SLC24A2: variants seen among roughly 807,000 people sequenced by gnomAD.
SLC24A2 encodes sodium/potassium/calcium exchanger 2.
In SLC24A2, 36 loss-of-function variants were observed where a neutral mutation model predicts 62.0. The observed-to-expected ratio is 0.58, with a 90% CI of 0.44 to 0.77. The LOEUF is 0.77. Ranked by LOEUF, SLC24A2 falls within the 30% of genes least tolerant of loss-of-function variation. The pLI, the probability that SLC24A2 is intolerant of heterozygous loss-of-function variation, is 0.00. For missense variants in SLC24A2, 846 were observed against 817.9 expected, an observed-to-expected ratio of 1.03 and a Z score of -0.42; for synonymous variants, 358 against 294.0, an observed-to-expected ratio of 1.22 and a Z score of -2.23.
At chr9:20,022,473 G>A in the SLC24A2 span, among the ~76,000 whole-genome samples, 2 of 152,156 alleles carry the variant, frequency 1.3e-5, no homozygotes, top group African/African-American at 4.8e-5. Context: ...GTAGAGGCAG[G>A]ATTTAAGCCA....
chr9:19,565,414 T>A (rs7851154), intron 7 of SLC24A2, among the ~76,000 whole-genome samples: 8,122 of 150,448 alleles, frequency 0.054, 725 homozygotes, highest in African/African-American at 0.19. Flanking sequence ...ACAAGGGATG[T>A]GAAGGACCTC....
chr9:20,014,418 T>TCTCC, the SLC24A2 span, among the ~76,000 whole-genome samples: 1 of 151,584 alleles, frequency 6.6e-6, no homozygotes, highest in Non-Finnish European at 1.5e-5. Context: ...TGAAGGGATG[T>TCTCC]CTGCACTCCC....
the SLC24A2 span, among the ~76,000 whole-genome samples, chr9:20,233,455 T>G: frequency 0.046 from 7,044 of 152,148 alleles, 540 homozygotes; most frequent in African/African-American, 0.16. Flanking sequence ...TCTTCTTGTT[T>G]AATTGATCCC....
chr9:19,683,857 G>C (rs1819795345), intron 2 of SLC24A2, among the ~76,000 whole-genome samples: 1 of 152,020 alleles, frequency 6.6e-6, no homozygotes, highest in East Asian at 1.9e-4. Flanking sequence ...ACCGGTCCTG[G>C]GCCCAGGGGC....
chr9:19,864,871 C>A, the SLC24A2 span, among the ~76,000 whole-genome samples: 2 of 151,868 alleles, frequency 1.3e-5, no homozygotes, highest in Non-Finnish European at 1.5e-5. Flanking sequence ...TAAAGGATAT[C>A]CAAATTGGAA....
the SLC24A2 span, among the ~76,000 whole-genome samples, chr9:19,975,754 T>C: frequency 1.3e-5 from 2 of 152,146 alleles, no homozygotes; most frequent in Non-Finnish European, 2.9e-5. Context: ...TTCCATGTTC[T>C]GCTTTTGTTT....
intron 2 of SLC24A2, among the ~76,000 whole-genome samples, chr9:19,737,753 A>G (rs1253819292): frequency 6.6e-6 from 1 of 152,066 alleles, no homozygotes; most frequent in Non-Finnish European, 1.5e-5. Context: ...CTGAGTTTCA[A>G]AATTTTAAAT....
intron 2 of SLC24A2, among the ~76,000 whole-genome samples, chr9:19,719,215 A>G (rs547167291): frequency 6.6e-6 from 1 of 152,290 alleles, no homozygotes; most frequent in East Asian, 1.9e-4. Flanking sequence ...GGTTACTAGC[A>G]TTGAGCTTTG....
At chr9:20,099,845 TC>T in the SLC24A2 span, among the ~76,000 whole-genome samples, 8 of 152,276 alleles carry the variant, frequency 5.3e-5, no homozygotes. Context: ...GGATTTTTTT[TC>T]TCCAGCCCCC....
the SLC24A2 span, among the ~76,000 whole-genome samples, chr9:20,110,097 G>C: frequency 1.2e-4 from 19 of 152,036 alleles, no homozygotes; most frequent in Non-Finnish European, 2.5e-4. Flanking sequence ...AAGAAATCTA[G>C]TACTACTCAC....
At chr9:20,295,996 T>C in the SLC24A2 span, among the ~76,000 whole-genome samples, 1 of 152,370 alleles carries the variant, frequency 6.6e-6, no homozygotes, top group African/African-American at 2.4e-5. Flanking sequence ...TTGTTCTTTC[T>C]TACTGCATTC....
At chr9:19,993,450 C>T in the SLC24A2 span, among the ~76,000 whole-genome samples, 21 of 152,230 alleles carry the variant, frequency 1.4e-4, no homozygotes, top group Admixed American at 2.6e-4. Flanking sequence ...TTTGTCTTTC[C>T]TAAAATTTAT....
At chr9:19,615,812 G>T (rs956378265) in intron 4 of SLC24A2, among the ~76,000 whole-genome samples, 1 of 152,010 alleles carries the variant, frequency 6.6e-6, no homozygotes, top group Non-Finnish European at 1.5e-5. Flanking sequence ...ATCACTGATG[G>T]CCCAACTCTG....
At chr9:19,870,424 G>T in the SLC24A2 span, among the ~76,000 whole-genome samples, 1 of 152,006 alleles carries the variant, frequency 6.6e-6, no homozygotes, top group Non-Finnish European at 1.5e-5. Context: ...ATTCATTTAG[G>T]TTATTTCTAC....
intron 2 of SLC24A2, among the ~76,000 whole-genome samples, chr9:19,781,917 T>C (rs1366647867): frequency 6.6e-6 from 1 of 152,254 alleles, no homozygotes; most frequent in African/African-American, 2.4e-5. Context: ...ATGTTTATAA[T>C]AATTTTGTTT....
chr9:20,008,906 G>A, the SLC24A2 span, among the ~76,000 whole-genome samples: 1 of 152,156 alleles, frequency 6.6e-6, no homozygotes, highest in Admixed American at 6.5e-5. Context: ...CTCCCCCACA[G>A]AAATCCAACT....
intron 2 of SLC24A2, among the ~76,000 whole-genome samples, chr9:19,656,330 G>C (rs888599825): frequency 6.6e-6 from 1 of 152,202 alleles, no homozygotes; most frequent in African/African-American, 2.4e-5. Flanking sequence ...TTCTGTTACA[G>C]TTAGATCAGT....
the SLC24A2 span, among the ~76,000 whole-genome samples, chr9:20,119,539 C>T: frequency 6.6e-6 from 1 of 152,008 alleles, no homozygotes; most frequent in African/African-American, 2.4e-5. Context: ...AGGAAAAAAA[C>T]ACTTGACAAA....
At chr9:19,529,676 G>T (rs1833605341) in intron 8 of SLC24A2, among the ~76,000 whole-genome samples, 1 of 151,572 alleles carries the variant, frequency 6.6e-6, no homozygotes. Context: ...CCCCTCCTAG[G>T]GACCTAAGCG....
Sources: gnomAD v4.1 joint callset for allele counts (sites outside exome capture counted in the v4.1 genomes callset) on GRCh38, gnomAD v4.1.1 for gene constraint, MANE v1.5 for transcripts, NCBI Gene and HGNC (gene_info 2026-07-23, HGNC 2026-07-21) for gene names.